The following PBRM1 variants were observed in gnomAD, a reference collection of about 807,000 sequenced individuals.
PBRM1 encodes the protein protein polybromo-1.
In PBRM1, 27 loss-of-function variants were observed where a neutral mutation model predicts 194.5. That is an observed-to-expected ratio of 0.14 (90% CI 0.10 to 0.19). PBRM1 has a LOEUF of 0.19. PBRM1 is among the 10% of genes least tolerant of loss of function. The pLI is 1.00. For synonymous variants in PBRM1, 655 were observed against 693.2 expected (o/e 0.94, Z 0.87); for missense variants, 1,466 against 2,077.2 (o/e 0.71, Z 5.72).
At chr3:52,676,236 T>G (rs1484119227) in intron 2 of PBRM1, among the ~76,000 whole-genome samples, 1 of 145,082 alleles carries the variant, frequency 6.9e-6, no homozygotes, top group Non-Finnish European at 1.5e-5. Context: ...GAGCTAAAAC[T>G]ATAAAACTCT....
chr3:52,649,687 A>T (rs982379174), intron 6 of PBRM1, among the ~76,000 whole-genome samples: 2 of 152,222 alleles, frequency 1.3e-5, no homozygotes, highest in Non-Finnish European at 2.9e-5. Flanking sequence ...ATGCTTTAGC[A>T]GGCATTGGAA....
intron 17 of PBRM1, among the ~76,000 whole-genome samples, chr3:52,595,235 G>A (rs1310039899): frequency 6.6e-6 from 1 of 151,784 alleles, no homozygotes; most frequent in Non-Finnish European, 1.5e-5. Flanking sequence ...TGATGACCTT[G>A]GGTGTTTGAT....
rs777360600 is a variant in PBRM1, at chr3:52,634,833, G to C, written c.1088-18C>G. ...GCGTGCAGCTGGAAAGACAAAAAAAGTATTTATAAAGGGACGAATGAGATG... is the reference window on the plus strand; with the variant it reads ...GCGTGCAGCTGGAAAGACAAAAAAACTATTTATAAAGGGACGAATGAGATG... On this transcript the variant is annotated intron_variant, in intron 10 of 29. Coordinates refer to ENST00000296302, the Ensembl canonical transcript of PBRM1. The C allele has an allele frequency of 2.8e-5, 44 of 1,578,810 alleles. No individual in the cohort carries two copies. Among genetic ancestry groups the C allele is most frequent in the Non-Finnish European group, 3.8e-5 (44 of 1,150,724 alleles).
intron 22 of PBRM1, among the ~76,000 whole-genome samples, chr3:52,570,560 T>C (rs2086725504): frequency 6.6e-6 from 1 of 152,164 alleles, no homozygotes; most frequent in African/African-American, 2.4e-5. Context: ...GATTGGTGGC[T>C]TTGGAATGGA....
At chr3:52,676,887 C>T (rs2097117117) in intron 2 of PBRM1, among the ~76,000 whole-genome samples, 1 of 152,148 alleles carries the variant, frequency 6.6e-6, no homozygotes, top group Non-Finnish European at 1.5e-5. Context: ...TATGTTTTAG[C>T]AAAGAGACTG....
chr3:52,547,225 C>G, downstream of PBRM1: 1 of 233,050 alleles, frequency 4.3e-6, no homozygotes, highest in Admixed American at 5.6e-5. Flanking sequence ...ATAAATAGAT[C>G]AAAATATCCT....
chr3:52,605,268 G>C (rs2094275147), intron 16 of PBRM1, among the ~76,000 whole-genome samples: 1 of 151,616 alleles, frequency 6.6e-6, no homozygotes, highest in African/African-American at 2.4e-5. Flanking sequence ...GGCTGGTCTC[G>C]AACTCCTGGC....
intron 11 of PBRM1, 60 bp from the exon 13 acceptor site, chr3:52,629,095 CT>C (rs1218795885): frequency 1.8e-5 from 24 of 1,358,128 alleles, no homozygotes; most frequent in Non-Finnish European, 2.2e-5. Flanking sequence ...AACATTCTTC[CT>C]GAAAGTCCAA....
At chr3:52,625,257 G>A (rs2095410528) in intron 13 of PBRM1, among the ~76,000 whole-genome samples, 1 of 152,302 alleles carries the variant, frequency 6.6e-6, no homozygotes. Flanking sequence ...CTGTGGCCAA[G>A]ATTAGCTTAA....
intron 10 of PBRM1, among the ~76,000 whole-genome samples, chr3:52,640,809 T>A (rs2096051326): frequency 6.6e-6 from 1 of 151,784 alleles, no homozygotes; most frequent in Non-Finnish European, 1.5e-5. Context: ...GGCCAATTTT[T>A]TGTATTTTTA....
chr3:52,553,687 G>A (rs1434244821), intron 27 of PBRM1, among the ~76,000 whole-genome samples: 14 of 130,820 alleles, frequency 1.1e-4, no homozygotes, highest in African/African-American at 3.3e-4. Context: ...TTTTTGACAC[G>A]GAGTCTTGCT....
chr3:52,681,084 T>G (rs906353485), upstream of PBRM1: 21 of 151,106 alleles, frequency 1.4e-4, no homozygotes, highest in Admixed American at 1.1e-3. Flanking sequence ...CTTACAATTA[T>G]GAGGAACCTC....
At chr3:52,624,321 A>G (rs894712479) in intron 13 of PBRM1, among the ~76,000 whole-genome samples, 1 of 152,264 alleles carries the variant, frequency 6.6e-6, no homozygotes, top group Non-Finnish European at 1.5e-5. Context: ...TGTGAATGTC[A>G]GACGGCAAAT....
downstream of PBRM1, chr3:52,546,584 G>GA (rs932166781): frequency 2.6e-5 from 6 of 230,142 alleles, no homozygotes; most frequent in African/African-American, 1.3e-4. Flanking sequence ...AGATTAAAAG[G>GA]AAAAAAGCAT....
chr3:52,667,022 C>A (rs1326568747), intron 3 of PBRM1, among the ~76,000 whole-genome samples: 3 of 152,076 alleles, frequency 2.0e-5, no homozygotes, highest in African/African-American at 7.2e-5. Flanking sequence ...GAAATGATGA[C>A]AGCAACGATT....
chr3:52,627,020 C>G (rs1245013250), intron 13 of PBRM1, among the ~76,000 whole-genome samples: 1 of 149,406 alleles, frequency 6.7e-6, no homozygotes, highest in East Asian at 1.9e-4. Flanking sequence ...AAAACCCAGA[C>G]GGCAAACGGA....
intron 29 of PBRM1, among the ~76,000 whole-genome samples, chr3:52,549,118 C>G (rs1461794180): frequency 6.6e-6 from 1 of 151,624 alleles, no homozygotes; most frequent in Non-Finnish European, 1.5e-5. Flanking sequence ...CCTCCGGGTT[C>G]AAATGATTCT....
At chr3:52,658,172 G>T in intron 5 of PBRM1, 27 bp downstream of exon 6, 1 of 993,634 alleles carries the variant, frequency 1.0e-6, no homozygotes, top group Non-Finnish European at 1.6e-6. Context: ...ACACTGACAT[G>T]TACCTGTTTT....
intron 13 of PBRM1, among the ~76,000 whole-genome samples, chr3:52,621,969 C>T (rs572876458): frequency 6.6e-6 from 1 of 152,098 alleles, no homozygotes; most frequent in Non-Finnish European, 1.5e-5. Flanking sequence ...TTGTTTGAAC[C>T]CAGAAGATCA....
Sources: gnomAD v4.1 joint callset for allele counts (sites outside exome capture counted in the v4.1 genomes callset) on GRCh38, gnomAD v4.1.1 for gene constraint, MANE v1.5 for transcripts, NCBI Gene and HGNC (gene_info 2026-07-23, HGNC 2026-07-21) for gene names.